Variants in TBC1D2B observed in about 807,000 individuals in gnomAD.
TBC1D2B encodes the protein TBC1 domain family, member 2B.
A neutral mutation model predicts 100.8 loss-of-function variants in TBC1D2B; 64 were observed. That is an observed-to-expected ratio of 0.64 (90% CI 0.52 to 0.78). The LOEUF is 0.78. Ranked by LOEUF, TBC1D2B falls within the 30% of genes least tolerant of loss-of-function variation. The probability of loss-of-function intolerance (pLI) is 0.00; values close to 1 mark genes in which losing one functional copy is unlikely to be tolerated. For missense variants in TBC1D2B, 1,052 were observed against 1,218.4 expected (o/e 0.86, Z 2.03); for synonymous variants, 480 against 479.7 (o/e 1.00, Z -0.01).
Position 77,996,798 on chromosome 15 carries a change from G to C in TBC1D2B, c.*1362C>G, listed in dbSNP as rs566770767. ...CAAAGGATGATTTCCAGTTTTTTTC[G>C]GGTAATATGAAACATTCCACTGAGA... is the stretch of plus-strand genomic sequence containing the variant. On this transcript the variant is annotated 3_prime_UTR_variant, in exon 13 of 13. Coordinates refer to ENST00000300584, the MANE Select transcript of TBC1D2B (RefSeq NM_144572.2). The C allele has an allele frequency of 6.6e-6, 1 of 152,164 alleles. No individual in the cohort carries two copies. The highest frequency in any genetic ancestry group is 6.5e-5 in the Admixed American group (1 of 15,294). The allele number at this position is 152,164 out of a possible 1,614,324, so 9.4% of individuals were successfully genotyped here.
At chr15:78,028,422 G>T (rs1353040565) in intron 4 of TBC1D2B, among the ~76,000 whole-genome samples, 3 of 152,214 alleles carry the variant, frequency 2.0e-5, no homozygotes, top group Non-Finnish European at 4.4e-5. Flanking sequence ...AATGAGCCGA[G>T]ATCGCGCCAC....
chr15:78,044,227 A>G (rs1164596943), intron 3 of TBC1D2B, among the ~76,000 whole-genome samples: 1 of 152,186 alleles, frequency 6.6e-6, no homozygotes, highest in Non-Finnish European at 1.5e-5. Context: ...TGAATATACC[A>G]AAAATCATTG....
intron 10 of TBC1D2B, among the ~76,000 whole-genome samples, 189 bp downstream of exon 10, chr15:78,008,808 C>A (rs181338849): frequency 6.6e-6 from 1 of 152,294 alleles, no homozygotes; most frequent in African/African-American, 2.4e-5. Context: ...GAGCCCAACT[C>A]GGCCTCAGTC....
In TBC1D2B at chr15:78,077,697, CGCCGCG is replaced by C; in HGVS notation, c.-51_-46del. The C allele has an allele frequency of 1.0e-6, 1 of 985,370 alleles. No individual in the cohort carries two copies. The highest frequency in any genetic ancestry group is 1.2e-6 in the Non-Finnish European group (1 of 830,304). The allele number at this position is 985,370 out of a possible 1,614,324, so 61.0% of individuals were successfully genotyped here. A position where few individuals can be genotyped will look rare whatever the true frequency, so the allele number is the denominator to read the frequency against. Reference sequence around the variant, plus strand: ...TAGGCGCCCGCGCCCTGCGCCTCCGCGCCGCGGCCGCTGCGCCCCCTACCCCCTCCG... The same window carrying C: ...TAGGCGCCCGCGCCCTGCGCCTCCGCGCCGCTGCGCCCCCTACCCCCTCCG... On this transcript the variant is annotated 5_prime_UTR_variant, in exon 1 of 13. Coordinates refer to ENST00000300584, the MANE Select transcript of TBC1D2B (RefSeq NM_144572.2).
chr15:78,069,057 T>C (rs938730809), intron 1 of TBC1D2B, among the ~76,000 whole-genome samples: 13 of 152,216 alleles, frequency 8.5e-5, no homozygotes, highest in Admixed American at 5.2e-4. Context: ...TATTTTGTTC[T>C]GACTGGAGGT....
chr15:78,053,175 G>A (rs1484196537), intron 2 of TBC1D2B, among the ~76,000 whole-genome samples: 1 of 152,182 alleles, frequency 6.6e-6, no homozygotes, highest in Non-Finnish European at 1.5e-5. Context: ...CAGGCAACTC[G>A]GATGCAGCCC....
Position 78,043,745 on chromosome 15 carries a change from C to T in TBC1D2B, c.683+1155G>A, listed in dbSNP as rs186856739. Among the ~76,000 whole-genome samples the T allele has an allele frequency of 1.7e-3, 263 of 152,270 alleles. 1 individual carries two copies. Among genetic ancestry groups the T allele is most frequent in the African/African-American group, 6.0e-3 (249 of 41,550 alleles). On this transcript the variant is annotated intron_variant, in intron 3 of 12. Transcript: ENST00000300584. ...ATGAAATGTCCACAATAAACAAATT[C>T]ATAAGCCAGGGGCAGTGGCTCATGT...
At chr15:78,047,391 G>C (rs953766157) in intron 2 of TBC1D2B, among the ~76,000 whole-genome samples, 4 of 152,094 alleles carry the variant, frequency 2.6e-5, no homozygotes, top group African/African-American at 9.7e-5. Context: ...ATCCAGGAGA[G>C]AGACATAAGT....
At chr15:78,045,415 TA>T (rs2073175116) in intron 2 of TBC1D2B, among the ~76,000 whole-genome samples, 1 of 152,192 alleles carries the variant, frequency 6.6e-6, no homozygotes, top group African/African-American at 2.4e-5. Flanking sequence ...CCTGTACTGA[TA>T]AGAAACAATT....
At chr15:78,060,410 G>A (rs2073517929) in intron 1 of TBC1D2B, among the ~76,000 whole-genome samples, 1 of 151,902 alleles carries the variant, frequency 6.6e-6, no homozygotes, top group Admixed American at 6.6e-5. Flanking sequence ...GGCCCAGGTG[G>A]GTGAATCACT....
At chr15:78,000,719 A>G (rs74443695) in intron 12 of TBC1D2B, among the ~76,000 whole-genome samples, 1,996 of 152,370 alleles carry the variant, frequency 0.013, 24 homozygotes, top group Middle Eastern at 0.034. Flanking sequence ...CAACAGCTGC[A>G]GTCCAGGGGA....
At chr15:78,042,314 C>G (rs2073106820) in intron 3 of TBC1D2B, among the ~76,000 whole-genome samples, 1 of 152,120 alleles carries the variant, frequency 6.6e-6, no homozygotes. Flanking sequence ...TCTGGCAAAT[C>G]AATAGTCCCC....
chr15:78,053,971 C>T (rs1338245029), intron 2 of TBC1D2B, 63 bp downstream of exon 2: 2 of 1,501,552 alleles, frequency 1.3e-6, no homozygotes, highest in African/African-American at 2.8e-5. Flanking sequence ...CTGCTAAGTT[C>T]ATATGTGGTA....
intron 8 of TBC1D2B, among the ~76,000 whole-genome samples, chr15:78,016,261 T>C (rs2072371436): frequency 6.6e-6 from 1 of 152,130 alleles, no homozygotes; most frequent in Non-Finnish European, 1.5e-5. Context: ...TCCTATTCCT[T>C]GGAAGACTGG....
At chr15:78,076,550 G>T (rs2141856428) in intron 1 of TBC1D2B, among the ~76,000 whole-genome samples, 1 of 151,798 alleles carries the variant, frequency 6.6e-6, no homozygotes, top group East Asian at 1.9e-4. Context: ...TTCGAGACTA[G>T]CCTGGGCAAC....
intron 6 of TBC1D2B, among the ~76,000 whole-genome samples, chr15:78,020,848 G>A (rs1462633456): frequency 6.6e-6 from 1 of 152,212 alleles, no homozygotes. Flanking sequence ...GCTGGAAGAA[G>A]GAGAAGCTGT....
At chr15:78,040,267 A>G (rs2073043603) in intron 3 of TBC1D2B, among the ~76,000 whole-genome samples, 1 of 152,240 alleles carries the variant, frequency 6.6e-6, no homozygotes, top group Admixed American at 6.5e-5. Flanking sequence ...TAAATGAAAA[A>G]TGTGGTTAAA....
At chr15:78,072,286 G>A (rs923046586) in intron 1 of TBC1D2B, among the ~76,000 whole-genome samples, 4 of 152,326 alleles carry the variant, frequency 2.6e-5, no homozygotes, top group African/African-American at 4.8e-5. Context: ...TGAGGCAGTG[G>A]GAGAGGGAGA....
intron 3 of TBC1D2B, among the ~76,000 whole-genome samples, chr15:78,031,062 C>T (rs950261808): frequency 3.3e-5 from 5 of 152,060 alleles, no homozygotes; most frequent in African/African-American, 1.2e-4. Context: ...TTTTTAAACA[C>T]TGAAAGAAAA....
Sources: allele counts gnomAD v4.1 joint callset (sites outside exome capture counted in the v4.1 genomes callset), GRCh38; gene constraint gnomAD v4.1.1; transcripts MANE v1.5; gene names NCBI Gene and HGNC (gene_info 2026-07-23, HGNC 2026-07-21).